Variants in PARD6G observed in about 807,000 individuals in gnomAD.
PARD6G encodes the protein par-6 family cell polarity regulator gamma.
In PARD6G, 7 loss-of-function variants were observed where a neutral mutation model predicts 10.7. That is an observed-to-expected ratio of 0.66 (90% CI 0.37 to 1.23). The LOEUF is 1.23. Ranked by LOEUF, PARD6G falls within the 50% of genes most tolerant of loss-of-function variation. The pLI is 0.02. For synonymous variants in PARD6G, 287 were observed against 269.4 expected (o/e 1.07, Z -0.64); for missense variants, 548 against 571.8 (o/e 0.96, Z 0.42).
chr18:80,212,469 G>C (rs1466071155), intron 1 of PARD6G, among the ~76,000 whole-genome samples: 2 of 152,234 alleles, frequency 1.3e-5, no homozygotes, highest in African/African-American at 4.8e-5. Flanking sequence ...GTTTGCTTTT[G>C]AACTGCATGG....
rs1967314940 is a variant in PARD6G, at chr18:80,228,129, A to G, written c.72+19148T>C. Among the ~76,000 whole-genome samples, 1 of 152,222 alleles carries G rather than the reference A, an allele frequency of 6.6e-6. No individual in the cohort carries two copies. The highest frequency in any genetic ancestry group is 6.5e-5 in the Admixed American group (1 of 15,280). ...TACTAAACGACAGGTGACCAGCGTG[A>G]GGCAGGCCCCACCTTTGTTCATCTG... On this transcript the variant is annotated intron_variant, in intron 1 of 2. Coordinates refer to ENST00000353265, the MANE Select transcript of PARD6G (RefSeq NM_032510.4). This position sits in a 1 kb window ranked among gnomAD's most constrained non-coding sequence, Gnocchi z 4.6.
rs529453986 is a variant in PARD6G at position 80,201,192 on chromosome 18, G to A, written c.295+1518C>T. On this transcript the variant is annotated intron_variant, in intron 2 of 2. Coordinates refer to ENST00000353265, the MANE Select transcript of PARD6G (RefSeq NM_032510.4). This position sits in a 1 kb window ranked among gnomAD's most constrained non-coding sequence, Gnocchi z 5.9. Reference sequence around the variant, plus strand: ...AGAGGACAGAGGACGACAGGCAGAGGGGAACACGGGCTCATCAGATCAAGC... The same window carrying A: ...AGAGGACAGAGGACGACAGGCAGAGAGGAACACGGGCTCATCAGATCAAGC... 1.3e-5 allele frequency among the ~76,000 whole-genome samples: 2 copies of A among 152,238 alleles called. No individual in the cohort carries two copies. Among genetic ancestry groups the A allele is most frequent in the South Asian group, 4.2e-4 (2 of 4,816 alleles).
intron 1 of PARD6G, among the ~76,000 whole-genome samples, chr18:80,214,184 G>A (rs192262624): frequency 7.2e-5 from 11 of 152,178 alleles, no homozygotes; most frequent in East Asian, 1.9e-4. Context: ...CCGGACAGGC[G>A]CGGTGGCTCA....
intron 1 of PARD6G, among the ~76,000 whole-genome samples, chr18:80,217,935 G>A (rs536902024): frequency 1.1e-4 from 16 of 152,204 alleles, no homozygotes; most frequent in East Asian, 5.8e-4. Flanking sequence ...GTGAAGCGGC[G>A]GGGAGCCCCT....
In PARD6G at chr18:80,165,112, C is replaced by G. The variant is rs2052726803; in HGVS notation, c.296-4506G>C. On this transcript the variant is annotated intron_variant, in intron 2 of 2. Coordinates refer to ENST00000353265, the MANE Select transcript of PARD6G (RefSeq NM_032510.4). ...GAGAACCGGTCTGACCACAAATTTA[C>G]CAGGGCAGAGTTTCTCCCCACCCTA... Among the ~76,000 whole-genome samples, 3 of 152,176 alleles carry G rather than the reference C, an allele frequency of 2.0e-5. No individual in the cohort carries two copies. The South Asian group carries it at 6.2e-4, about 32-fold the overall frequency.
At chr18:80,174,010 C>T (rs1009866526) in intron 2 of PARD6G, among the ~76,000 whole-genome samples, 1 of 152,170 alleles carries the variant, frequency 6.6e-6, no homozygotes, top group Non-Finnish European at 1.5e-5. Context: ...GGAAGCTTTG[C>T]CCTATCCCAG....
intron 1 of PARD6G, among the ~76,000 whole-genome samples, chr18:80,226,568 C>T (rs886139849): frequency 2.6e-5 from 4 of 152,148 alleles, no homozygotes; most frequent in African/African-American, 2.4e-5. Context: ...CTACCAACAC[C>T]GGTCTACTTC....
At position 80,159,930 on chromosome 18, in the gene PARD6G, G is replaced by A. The variant is rs1465048819; in HGVS notation, c.972C>T (p.Ser324=). 6.6e-7 allele frequency: 1 copy of A among 1,506,862 alleles called. No individual in the cohort carries two copies. Among genetic ancestry groups the A allele is most frequent in the Admixed American group, 2.3e-5 (1 of 42,590 alleles). 93.3% of individuals were successfully genotyped at this position (1,506,862 alleles called of 1,614,324 possible). A position where few individuals can be genotyped will look rare whatever the true frequency, so the allele number is the denominator to read the frequency against. ...QTPGAPAGSL[S]RVNGAGLAQR... ...GCGCCAGGCCCGCGCCATTGACCCG[G>A]GAGAGGCTGCCTGCGGGCGCGCCCG... The change falls in exon 3 of 3, where the codon TCC becomes TCT. Residue 324 remains serine, a synonymous_variant. Coordinates refer to ENST00000353265, the MANE Select transcript of PARD6G (RefSeq NM_032510.4).
chr18:80,158,394 A>G lies in PARD6G; in HGVS notation c.*1377T>C, dbSNP rs1226683841. The G allele has an allele frequency of 1.3e-5, 2 of 152,228 alleles. No homozygotes were observed. Among genetic ancestry groups the G allele is most frequent in the African/African-American group, 4.8e-5 (2 of 41,442 alleles). The allele number at this position is 152,228 out of a possible 1,614,324, so 9.4% of individuals were successfully genotyped here. A position where few individuals can be genotyped will look rare whatever the true frequency, so the allele number is the denominator to read the frequency against. On this transcript the variant is annotated 3_prime_UTR_variant, in exon 3 of 3. Coordinates refer to ENST00000353265, the MANE Select transcript of PARD6G (RefSeq NM_032510.4). ...CATTTCTGCTGAAAACATTTCCGAAATCGCCCTCAGAGTCAGTCAACCCAC... is the reference window on the plus strand; with the variant it reads ...CATTTCTGCTGAAAACATTTCCGAAGTCGCCCTCAGAGTCAGTCAACCCAC...
At position 80,159,507 on chromosome 18, in the gene PARD6G, G is replaced by T. The variant is rs1418329402; in HGVS notation, c.*264C>A. On this transcript the variant is annotated 3_prime_UTR_variant, in exon 3 of 3. Coordinates refer to ENST00000353265, the MANE Select transcript of PARD6G (RefSeq NM_032510.4). ...AAAAGCATTTTTTTGCACTTGGTCA[G>T]ATCTTTTCTATCACTTTGCAAAGGC... 4.9e-6 allele frequency: 2 copies of T among 408,126 alleles called. No individual in the cohort carries two copies. The highest frequency in any genetic ancestry group is 2.1e-5 in the African/African-American group (1 of 48,468). The allele number at this position is 408,126 out of a possible 1,614,324, so 25.3% of individuals were successfully genotyped here. A position where few individuals can be genotyped will look rare whatever the true frequency, so the allele number is the denominator to read the frequency against.
At chr18:80,198,563 G>C (rs899705264) in intron 2 of PARD6G, among the ~76,000 whole-genome samples, 12 of 152,196 alleles carry the variant, frequency 7.9e-5, no homozygotes, top group African/African-American at 2.7e-4. Flanking sequence ...GCTGTGCTGA[G>C]TGCCTTCCCA....
intron 1 of PARD6G, among the ~76,000 whole-genome samples, chr18:80,222,086 CTT>C (rs1340648748): frequency 6.6e-6 from 1 of 151,406 alleles, no homozygotes; most frequent in Non-Finnish European, 1.5e-5. Context: ...TAATTTTTTT[CTT>C]TTTTCTTTTT....
At chr18:80,186,899 C>A (rs2052882621) in intron 2 of PARD6G, among the ~76,000 whole-genome samples, 1 of 152,068 alleles carries the variant, frequency 6.6e-6, no homozygotes, top group African/African-American at 2.4e-5. Context: ...GAAATCAAGA[C>A]CATCCTGGCT....
chr18:80,208,598 A>G (rs1217814981), intron 1 of PARD6G, among the ~76,000 whole-genome samples: 2 of 152,088 alleles, frequency 1.3e-5, no homozygotes, highest in South Asian at 2.1e-4. Context: ...CCAGTGACCA[A>G]TTTCAATGAA....
intron 2 of PARD6G, among the ~76,000 whole-genome samples, chr18:80,164,827 C>T (rs761388671): frequency 1.3e-4 from 19 of 151,972 alleles, no homozygotes; most frequent in Admixed American, 5.2e-4. Context: ...GGTGTCAAAA[C>T]GGGAGGGGGT....
chr18:80,195,242 A>G (rs1197756570), intron 2 of PARD6G, among the ~76,000 whole-genome samples: 3 of 152,084 alleles, frequency 2.0e-5, no homozygotes, highest in African/African-American at 7.2e-5. Flanking sequence ...GACAGGTACA[A>G]TCTGCTCACG....
chr18:80,203,296 T>TCTC (rs1967026316), intron 1 of PARD6G, among the ~76,000 whole-genome samples: 1 of 152,092 alleles, frequency 6.6e-6, no homozygotes, highest in Admixed American at 6.5e-5. Context: ...ATTTATTAAT[T>TCTC]CTCCACAAGG....
intron 1 of PARD6G, among the ~76,000 whole-genome samples, chr18:80,213,667 G>A (rs1349013614): frequency 6.6e-6 from 1 of 152,158 alleles, no homozygotes; most frequent in African/African-American, 2.4e-5. Flanking sequence ...TCTTTAAAAT[G>A]TTCAGTTTTG....
At chr18:80,230,218 C>T (rs949539873) in intron 1 of PARD6G, among the ~76,000 whole-genome samples, 3 of 152,338 alleles carry the variant, frequency 2.0e-5, no homozygotes, top group Admixed American at 6.5e-5. Flanking sequence ...AAGGATCTCA[C>T]GCGTGTGCAT....
Sources: gnomAD v4.1 joint callset for allele counts (sites outside exome capture counted in the v4.1 genomes callset) on GRCh38, gnomAD v4.1.1 for gene constraint, Gnocchi (gnomAD v3.1) non-coding constraint, MANE v1.5 for transcripts, NCBI Gene and HGNC (gene_info 2026-07-23, HGNC 2026-07-21) for gene names.